The following ABL2 variants were observed in gnomAD, a reference collection of about 807,000 sequenced individuals.
ABL2 encodes the protein ABL proto-oncogene 2, non-receptor tyrosine kinase, also known as tyrosine-protein kinase ABL2.
A neutral mutation model predicts 107.7 loss-of-function variants in ABL2; 49 were observed. The ratio of observed to expected loss-of-function variants is 0.45; its 90% CI spans 0.36 to 0.58. The LOEUF is 0.58. Among genes scored for constraint, ABL2 ranks in the 20% least tolerant of loss-of-function variants. ABL2 has a pLI of 0.00. For synonymous variants in ABL2, 549 were observed against 548.6 expected, an observed-to-expected ratio of 1.00 and a Z score of -0.01; for missense variants, 1,245 against 1,457.0, an observed-to-expected ratio of 0.85 and a Z score of 2.37.
intron 1 of ABL2, among the ~76,000 whole-genome samples, chr1:179,181,180 A>G (rs1478496362): frequency 6.6e-6 from 1 of 152,232 alleles, no homozygotes; most frequent in Non-Finnish European, 1.5e-5. Context: ...AAACTATCAT[A>G]TTTAAGCCTC....
intron 6 of ABL2, 53 bp downstream of exon 6, chr1:179,120,137 T>C (rs979149691): frequency 7.8e-5 from 98 of 1,250,942 alleles, no homozygotes; most frequent in Middle Eastern, 1.9e-4. Context: ...TAACAAGGGG[T>C]TAAAGGGCAA....
intron 1 of ABL2, among the ~76,000 whole-genome samples, chr1:179,206,501 T>TAA (rs71685132): frequency 5.4e-5 from 7 of 128,664 alleles, no homozygotes; most frequent in African/African-American, 8.4e-5. Context: ...TGCATCCATT[T>TAA]AAAAAAAAAA....
At chr1:179,164,205 A>C (rs1659249693) in intron 1 of ABL2, among the ~76,000 whole-genome samples, 1 of 152,184 alleles carries the variant, frequency 6.6e-6, no homozygotes, top group African/African-American at 2.4e-5. Flanking sequence ...GATTTTTTAA[A>C]TTAAGAGAAA....
At chr1:179,181,946 A>ATTTTTTTT (rs34828452) in intron 1 of ABL2, among the ~76,000 whole-genome samples, 218 of 91,192 alleles carry the variant, frequency 2.4e-3, no homozygotes, top group African/African-American at 5.3e-3. Flanking sequence ...AGGCCCGGCT[A>ATTTTTTTT]TTTTTTTTTT....
rs777414572 is a variant in ABL2, at chr1:179,109,338, G to C, written c.1929C>G (p.Cys643Trp). 2 of 1,614,126 alleles carry C rather than the reference G, an allele frequency of 1.2e-6. No homozygotes were observed. Among genetic ancestry groups the C allele is most frequent in the East Asian group, 2.2e-5 (1 of 44,874 alleles). ...SSLLEDAKET[C>W]FTRDRKGGFF... is the part of the protein sequence containing the mutation. ...AGCCCCCCTTCCTATCCCTGGTGAA[G>C]CATGTCTCTTTGGCATCTTCCAAGA... Residue 643 changes from cysteine to tryptophan, a missense_variant, in exon 12 of 12, where the codon TGC becomes TGG. Coordinates refer to ENST00000502732, the MANE Select transcript of ABL2 (RefSeq NM_007314.4).
At chr1:179,198,693 CAAAAAAAAAAAAA>C (rs534990752) in intron 1 of ABL2, among the ~76,000 whole-genome samples, 18 of 34,950 alleles carry the variant, frequency 5.2e-4, no homozygotes, top group Admixed American at 5.0e-3. Context: ...ACTCCATCTC[CAAAAAAAAAAAAA>C]AAAAAAAAAA....
intron 10 of ABL2, 115 bp downstream of exon 10, chr1:179,112,194 A>G: frequency 1.2e-6 from 1 of 839,920 alleles, no homozygotes. Context: ...TTAAAAGTTG[A>G]AACAGAGTCT....
chr1:179,178,400 T>TAAAAAAAAAAAAAAAAAAA (rs1437261927), intron 1 of ABL2, among the ~76,000 whole-genome samples: 1 of 36,160 alleles, frequency 2.8e-5, no homozygotes, highest in Non-Finnish European at 6.2e-5. Flanking sequence ...AGACTCTGCC[T>TAAAAAAAAAAAAAAAAAAA]CAAAAAAAAA....
At chr1:179,209,860 C>G (rs950456132) in intron 1 of ABL2, among the ~76,000 whole-genome samples, 3 of 152,072 alleles carry the variant, frequency 2.0e-5, no homozygotes, top group Admixed American at 1.3e-4. Context: ...CCAAACATTT[C>G]AAGTAATAAG....
intron 4 of ABL2, among the ~76,000 whole-genome samples, chr1:179,123,175 G>A (rs147831018): frequency 1.6e-4 from 24 of 152,092 alleles, no homozygotes; most frequent in Non-Finnish European, 2.2e-4. Context: ...TAATTATGAC[G>A]TGCAGTTGAG....
chr1:179,147,730 T>C (rs1185328897), intron 1 of ABL2, among the ~76,000 whole-genome samples: 3 of 152,174 alleles, frequency 2.0e-5, no homozygotes, highest in Non-Finnish European at 4.4e-5. Context: ...ATACTACCTA[T>C]TGGGTCCCAT....
At chr1:179,174,143 C>T (rs532566161) in intron 1 of ABL2, among the ~76,000 whole-genome samples, 1 of 152,132 alleles carries the variant, frequency 6.6e-6, no homozygotes, top group East Asian at 1.9e-4. Context: ...CAAAAAGTAG[C>T]TGGGCGTGGT....
intron 1 of ABL2, among the ~76,000 whole-genome samples, chr1:179,213,046 CAAAAAA>C (rs368969682): frequency 9.8e-5 from 8 of 81,272 alleles, no homozygotes; most frequent in African/African-American, 2.8e-4. Flanking sequence ...AACTCCGTCT[CAAAAAA>C]AAAAAAAAAA....
At chr1:179,190,649 C>T (rs1660955351) in intron 1 of ABL2, among the ~76,000 whole-genome samples, 1 of 152,034 alleles carries the variant, frequency 6.6e-6, no homozygotes, top group Admixed American at 6.6e-5. Flanking sequence ...AAAGCCCCAA[C>T]CTTCTAATCA....
At chr1:179,181,822 C>T (rs899131526) in intron 1 of ABL2, among the ~76,000 whole-genome samples, 1 of 151,580 alleles carries the variant, frequency 6.6e-6, no homozygotes, top group Non-Finnish European at 1.5e-5. Flanking sequence ...ACTCTATTGC[C>T]CCGGCTGGAA....
rs148807564 is a variant in ABL2 at position 179,107,574 on chromosome 1, G to C, written c.*144C>G. 4.2e-6 allele frequency: 6 copies of C among 1,438,434 alleles called. No homozygotes were observed. Among genetic ancestry groups the C allele is most frequent in the African/African-American group, 2.9e-5 (2 of 69,984 alleles). The allele number at this position is 1,438,434 out of a possible 1,614,324, so 89.1% of individuals were successfully genotyped here. A position where few individuals can be genotyped will look rare whatever the true frequency, so the allele number is the denominator to read the frequency against. On this transcript the variant is annotated 3_prime_UTR_variant, in exon 12 of 12. Transcript: ENST00000502732. ...TTATTTTTGAGATGAAACTGTAAAC[G>C]TGAGAACTCAGGGATCTGAGGTACT...
At chr1:179,145,994 A>G (rs1301072768) in intron 1 of ABL2, among the ~76,000 whole-genome samples, 1 of 151,926 alleles carries the variant, frequency 6.6e-6, no homozygotes, top group Admixed American at 6.6e-5. Context: ...CCCAGGTTCA[A>G]GCGATTCTCC....
chr1:179,226,976 C>CA (rs1243223343), intron 1 of ABL2, among the ~76,000 whole-genome samples: 5 of 151,634 alleles, frequency 3.3e-5, no homozygotes, highest in Non-Finnish European at 5.9e-5. Flanking sequence ...AACAGGTGCT[C>CA]AAAAAAAACC....
chr1:179,218,471 A>G (rs1662701086), intron 1 of ABL2, among the ~76,000 whole-genome samples: 1 of 152,040 alleles, frequency 6.6e-6, no homozygotes. Context: ...ATCTCGGCTC[A>G]CTGCAGCCTC....
Sources: gnomAD v4.1 joint callset for allele counts (sites outside exome capture counted in the v4.1 genomes callset) on GRCh38, gnomAD v4.1.1 for gene constraint, MANE v1.5 for transcripts, NCBI Gene and HGNC (gene_info 2026-07-23, HGNC 2026-07-21) for gene names.